The following FBXL18 variants were observed in gnomAD, a reference collection of about 807,000 sequenced individuals.
FBXL18 encodes F-box and leucine rich repeat protein 18, also known as F-box/LRR-repeat protein 18.
A neutral mutation model predicts 46.0 loss-of-function variants in FBXL18; 36 were observed. The observed-to-expected ratio is 0.78, with a 90% CI of 0.60 to 1.03. FBXL18 has a LOEUF of 1.03. Among genes scored for constraint, FBXL18 ranks in the 50% least tolerant of loss-of-function variants. The probability of loss-of-function intolerance (pLI) is 0.00; values close to 1 mark genes in which losing one functional copy is unlikely to be tolerated. For synonymous variants in FBXL18, 557 were observed against 465.3 expected (o/e 1.20, Z -2.54); for missense variants, 977 against 1,004.1 (o/e 0.97, Z 0.36).
intron 1 of FBXL18, among the ~76,000 whole-genome samples, chr7:5,510,686 CA>C (rs35968318): frequency 0.012 from 1,172 of 96,698 alleles, 5 homozygotes; most frequent in Middle Eastern, 0.042. Flanking sequence ...ATCCTGTCTC[CA>C]AAAAAAAAAA....
intron 4 of FBXL18, chr7:5,489,985 T>C (rs1341076577): frequency 2.3e-6 from 3 of 1,284,298 alleles, no homozygotes; most frequent in South Asian, 2.5e-5. Context: ...ATAGTCTAAA[T>C]TTTTAAAAAG....
intron 4 of FBXL18, among the ~76,000 whole-genome samples, chr7:5,486,471 G>T (rs1258906178): frequency 2.0e-5 from 3 of 151,854 alleles, no homozygotes; most frequent in African/African-American, 7.3e-5. Context: ...GGGCAACATA[G>T]GGAGACTCCA....
chr7:5,503,241 A>T (rs1784313227), intron 2 of FBXL18, among the ~76,000 whole-genome samples: 1 of 152,226 alleles, frequency 6.6e-6, no homozygotes, highest in South Asian at 2.1e-4. Context: ...TATATTAGCC[A>T]GGCGTAGTGG....
At chr7:5,498,786 T>A (rs1784153295) in intron 3 of FBXL18, among the ~76,000 whole-genome samples, 1 of 152,002 alleles carries the variant, frequency 6.6e-6, no homozygotes, top group African/African-American at 2.4e-5. Context: ...TTGGCCAGAC[T>A]GGTTTCCAAC....
chr7:5,457,013 C>T (rs1419672848), intron 4 of FBXL18, among the ~76,000 whole-genome samples: 1 of 152,234 alleles, frequency 6.6e-6, no homozygotes, highest in Non-Finnish European at 1.5e-5. Flanking sequence ...ATCCACCTGC[C>T]TTGGCATCCC....
Position 5,513,759 on chromosome 7 carries a change from C to T in FBXL18, c.-85G>A, listed in dbSNP as rs755022150. ...CGGCTAGGGATGCTCGAAGCCGGCG[C>T]GTCCACCGCTCAACCGAGACCCCGG... On this transcript the variant is annotated 5_prime_UTR_variant, in exon 1 of 5. Coordinates refer to ENST00000382368, the MANE Select transcript of FBXL18 (RefSeq NM_024963.6). 44 of 1,532,304 alleles carry T rather than the reference C, an allele frequency of 2.9e-5. No homozygotes were observed. Among genetic ancestry groups the T allele is most frequent in the East Asian group, 4.9e-5 (2 of 40,922 alleles). The allele number at this position is 1,532,304 out of a possible 1,614,324, so 94.9% of individuals were successfully genotyped here.
chr7:5,496,154 C>T lies in FBXL18; in HGVS notation c.1781+4334G>A, dbSNP rs190561317. 2.3e-3 allele frequency among the ~76,000 whole-genome samples: 353 copies of T among 152,316 alleles called. 2 individuals carry two copies. Among genetic ancestry groups the T allele is most frequent in the Non-Finnish European group, 2.5e-3 (167 of 68,022 alleles). ...GCCATGTGACCTAGGCAAGTTCATG[C>T]ACTCTCTGGGCCTTACTTTCTTCAT... On this transcript the variant is annotated intron_variant, in intron 3 of 4. Coordinates refer to ENST00000382368, the MANE Select transcript of FBXL18 (RefSeq NM_024963.6). This position sits in a 1 kb window ranked among gnomAD's most constrained non-coding sequence, Gnocchi z 4.8.
In FBXL18 at chr7:5,488,134, T is replaced by C. The variant is rs114863049; in HGVS notation, c.2000+3097A>G. ...GTCCAACCGGGGAACGCAAAGAGCTTACTGCATCCACCTTAGATCATCAGA... is the reference window on the plus strand; with the variant it reads ...GTCCAACCGGGGAACGCAAAGAGCTCACTGCATCCACCTTAGATCATCAGA... On this transcript the variant is annotated intron_variant, in intron 4 of 4. Coordinates refer to ENST00000382368, the MANE Select transcript of FBXL18 (RefSeq NM_024963.6). Among the ~76,000 whole-genome samples the C allele has an allele frequency of 8.3e-3, 1,270 of 152,358 alleles. 16 individuals carry two copies. The highest frequency in any genetic ancestry group is 0.029 in the African/African-American group (1,203 of 41,586).
chr7:5,467,320 C>T (rs1204387387), intron 4 of FBXL18, among the ~76,000 whole-genome samples: 2 of 152,010 alleles, frequency 1.3e-5, no homozygotes, highest in African/African-American at 2.4e-5. Context: ...CACTGCACTC[C>T]AGCCTGGGTG....
At position 5,505,572 on chromosome 7, in the gene FBXL18, A is replaced by T. The variant is rs1784374680; in HGVS notation, c.77T>A (p.Val26Asp). The T allele has an allele frequency of 2.5e-6, 4 of 1,613,730 alleles. No individual in the cohort carries two copies. The highest frequency in any genetic ancestry group is 2.5e-6 in the Non-Finnish European group (3 of 1,179,932). The change falls in exon 2 of 5, where the codon GTC becomes GAC. Residue 26 changes from valine (V) to aspartate (D), a missense_variant. Transcript: ENST00000382368. ...HPAAAGMADG[V>D]HLLGFSDEIL... ...CTCATCAGAGAACCCTAGGAGGTGG[A>T]CCCCGTCTGCCATCCCGGCTGCTGC...
intron 4 of FBXL18, among the ~76,000 whole-genome samples, chr7:5,463,810 G>A (rs140073107): frequency 0.041 from 5,792 of 140,416 alleles, 462 homozygotes; most frequent in African/African-American, 0.15. Context: ...GTGCAGTCTC[G>A]GCTCACTACA....
chr7:5,509,487 G>C (rs995772525), intron 1 of FBXL18, among the ~76,000 whole-genome samples: 1 of 152,046 alleles, frequency 6.6e-6, no homozygotes, highest in African/African-American at 2.4e-5. Flanking sequence ...GAGGTCAGGA[G>C]TTCGAGACCA....
intron 4 of FBXL18, among the ~76,000 whole-genome samples, chr7:5,485,714 C>T (rs988493982): frequency 6.6e-5 from 10 of 152,110 alleles, no homozygotes; most frequent in African/African-American, 2.2e-4. Context: ...TCGAGACCAG[C>T]CTGACCAACA....
rs541625707 is a variant in FBXL18, at chr7:5,479,703, G to C, written c.*2072C>G. 8 of 152,568 alleles carry C rather than the reference G, an allele frequency of 5.2e-5. No homozygotes were observed. Among genetic ancestry groups the C allele is most frequent in the African/African-American group, 1.9e-4 (8 of 41,578 alleles). 9.5% of individuals were successfully genotyped at this position (152,568 alleles called of 1,614,324 possible). ...CTCACAGGCCATGACAGGAGGGCCA[G>C]GAGGCCTCTGGGAGGCGAAGGCTTG... On this transcript the variant is annotated 3_prime_UTR_variant, in exon 5 of 5. Coordinates refer to ENST00000382368, the MANE Select transcript of FBXL18 (RefSeq NM_024963.6).
At chr7:5,497,532 G>A (rs1485171655) in intron 3 of FBXL18, among the ~76,000 whole-genome samples, 1 of 152,222 alleles carries the variant, frequency 6.6e-6, no homozygotes, top group Non-Finnish European at 1.5e-5. Context: ...TGCAGTGGGA[G>A]GAGGTCGAGA....
intron 4 of FBXL18, among the ~76,000 whole-genome samples, chr7:5,456,092 G>A (rs763844227): frequency 1.4e-4 from 22 of 152,044 alleles, no homozygotes; most frequent in Non-Finnish European, 2.9e-4. Context: ...TCACCCCACC[G>A]AAACTGGCAA....
At chr7:5,464,030 G>A (rs544768334) in intron 4 of FBXL18, among the ~76,000 whole-genome samples, 14 of 152,040 alleles carry the variant, frequency 9.2e-5, no homozygotes, top group Admixed American at 3.3e-4. Flanking sequence ...GAGCCACCGC[G>A]CACCTGGCCT....
chr7:5,504,068 G>C (rs1394654520), intron 2 of FBXL18, among the ~76,000 whole-genome samples: 1 of 151,472 alleles, frequency 6.6e-6, no homozygotes, highest in Non-Finnish European at 1.5e-5. Flanking sequence ...AGGAGGCCTG[G>C]AGGCCTGATA....
intron 3 of FBXL18, 122 bp downstream of exon 3, chr7:5,500,366 G>T: frequency 2.2e-6 from 2 of 895,070 alleles, no homozygotes; most frequent in South Asian, 1.7e-5. Context: ...GGCACGCTGC[G>T]AGGCCCCGCC....
Sources: gnomAD v4.1 joint callset for allele counts (sites outside exome capture counted in the v4.1 genomes callset) on GRCh38, gnomAD v4.1.1 for gene constraint, Gnocchi (gnomAD v3.1) non-coding constraint, MANE v1.5 for transcripts, NCBI Gene and HGNC (gene_info 2026-07-23, HGNC 2026-07-21) for gene names.